The following NRG1 variants were observed in gnomAD, a reference collection of about 807,000 sequenced individuals.
NRG1 encodes pro-neuregulin-1, membrane-bound isoform.
NRG1 carries 18 observed loss-of-function variants against 63.8 expected under a neutral mutation model. The observed-to-expected ratio is 0.28, with a 90% CI of 0.19 to 0.42. The LOEUF is 0.42. Among genes scored for constraint, NRG1 ranks in the 10% least tolerant of loss-of-function variants. NRG1 has a pLI of 1.00. For missense variants in NRG1, 762 were observed against 814.7 expected (o/e 0.94, Z 0.79); for synonymous variants, 302 against 301.3 (o/e 1.00, Z -0.02).
intron 1 of NRG1, among the ~76,000 whole-genome samples, chr8:32,027,609 C>T (rs1245440333): frequency 6.6e-6 from 1 of 151,884 alleles, no homozygotes; most frequent in South Asian, 2.1e-4. Context: ...CTCTTCTCAC[C>T]ATACTGTTTG....
intron 1 of NRG1, among the ~76,000 whole-genome samples, chr8:32,250,151 A>G (rs2129470227): frequency 6.6e-6 from 1 of 152,186 alleles, no homozygotes; most frequent in Non-Finnish European, 1.5e-5. Flanking sequence ...GATCTCTTTC[A>G]AACTGTCTTT....
chr8:32,170,383 C>G (rs1839902594), intron 1 of NRG1, among the ~76,000 whole-genome samples: 1 of 152,154 alleles, frequency 6.6e-6, no homozygotes, highest in Admixed American at 6.5e-5. Flanking sequence ...CCTGTCAGAT[C>G]CCCTGCTTTG....
At chr8:32,344,854 A>G (rs186770483) in intron 1 of NRG1, among the ~76,000 whole-genome samples, 2 of 152,272 alleles carry the variant, frequency 1.3e-5, no homozygotes, top group African/African-American at 4.8e-5. Flanking sequence ...TAAATCTACT[A>G]GACAATCTAT....
chr8:32,758,692 C>G (rs1419880057), intron 9 of NRG1, among the ~76,000 whole-genome samples: 1 of 151,352 alleles, frequency 6.6e-6, no homozygotes, highest in African/African-American at 2.4e-5. Flanking sequence ...TGTGCTTTGT[C>G]AAGATGTGTG....
At chr8:32,494,460 T>A (rs1441292303) in intron 1 of NRG1, among the ~76,000 whole-genome samples, 5 of 152,292 alleles carry the variant, frequency 3.3e-5, no homozygotes, top group Admixed American at 2.0e-4. Context: ...GATCCATTTG[T>A]TAATTTTTTT....
chr8:32,337,653 C>CAAAAAAAAAAAAGAAAAAAAAAAAA, intron 1 of NRG1, among the ~76,000 whole-genome samples: 1 of 24,704 alleles, frequency 4.0e-5, no homozygotes, highest in African/African-American at 1.5e-4. Context: ...AGAGTTATTG[C>CAAAAAAAAAAAAGAAAAAAAAAAAA]AAAAAAAAAA....
At position 32,042,880 on chromosome 8, in the gene NRG1, CAT is replaced by C. The variant is rs1820297663; in HGVS notation, c.37+403451_37+403452del. Among the ~76,000 whole-genome samples the C allele has an allele frequency of 4.0e-5, 6 of 151,222 alleles. No homozygotes were observed. The South Asian group carries it at 1.3e-3, about 32-fold the overall frequency. On this transcript the variant is annotated intron_variant, in intron 1 of 10. Coordinates refer to the NRG1 transcript ENST00000519301. ...GAAACATGATTTCAAAAAAAATGAACATAGCTTCAGGAAGCTGAAGGACAACA... is the reference window on the plus strand; with the variant it reads ...GAAACATGATTTCAAAAAAAATGAACAGCTTCAGGAAGCTGAAGGACAACA...
intron 1 of NRG1, among the ~76,000 whole-genome samples, chr8:32,100,902 G>A (rs1390484977): frequency 6.6e-6 from 1 of 152,114 alleles, no homozygotes; most frequent in African/African-American, 2.4e-5. Flanking sequence ...GGTATTTTGA[G>A]CTTATCACCA....
At chr8:32,161,018 A>G (rs1363759780) in intron 1 of NRG1, among the ~76,000 whole-genome samples, 2 of 152,204 alleles carry the variant, frequency 1.3e-5, no homozygotes, top group Non-Finnish European at 2.9e-5. Flanking sequence ...ATATATGTAT[A>G]AGGTGATGCT....
intron 1 of NRG1, among the ~76,000 whole-genome samples, chr8:32,579,803 A>G (rs1358884850): frequency 7.2e-5 from 11 of 152,190 alleles, no homozygotes; most frequent in Admixed American, 7.2e-4. Context: ...ATTATCTTAG[A>G]GTTTTAAATG....
intron 1 of NRG1, among the ~76,000 whole-genome samples, chr8:32,381,134 C>T (rs934598161): frequency 6.6e-6 from 1 of 152,194 alleles, no homozygotes; most frequent in Admixed American, 6.5e-5. Flanking sequence ...TACACATGGT[C>T]TCCTAACTTC....
intron 1 of NRG1, among the ~76,000 whole-genome samples, chr8:32,374,380 G>A (rs1809344009): frequency 6.6e-6 from 1 of 152,152 alleles, no homozygotes; most frequent in Non-Finnish European, 1.5e-5. Flanking sequence ...ATCATAAAGA[G>A]ATCATTAAAT....
intron 1 of NRG1, among the ~76,000 whole-genome samples, chr8:31,818,978 C>A (rs757425339): frequency 2.6e-5 from 4 of 152,098 alleles, no homozygotes; most frequent in Non-Finnish European, 5.9e-5. Context: ...CACTTGAACT[C>A]GGGAGGCGGA....
intron 6 of NRG1, chr8:32,728,453 A>G: frequency 8.1e-6 from 8 of 985,296 alleles, no homozygotes; most frequent in Non-Finnish European, 9.6e-6. Context: ...AAGCTGTAAG[A>G]TAATGTTGCT....
In NRG1 at chr8:32,309,201, C is replaced by G. The variant is rs902142890; in HGVS notation, c.38-286627C>G. Among the ~76,000 whole-genome samples the G allele has an allele frequency of 5.9e-5, 9 of 152,250 alleles. No homozygotes were observed. The East Asian group carries it at 1.7e-3, about 29-fold the overall frequency. ...GATTCCTCTGGGAGGGGTACCCTTG[C>G]CTTACCAGGGCGAGAAAATAGCCCT... On this transcript the variant is annotated intron_variant, in intron 1 of 10. Coordinates refer to the NRG1 transcript ENST00000519301.
At chr8:31,845,536 G>A (rs1033538714) in intron 1 of NRG1, among the ~76,000 whole-genome samples, 4 of 152,046 alleles carry the variant, frequency 2.6e-5, no homozygotes. Flanking sequence ...TTGAATGAAG[G>A]TGAAAATGCT....
At chr8:32,483,422 A>G (rs1381463623) in intron 1 of NRG1, among the ~76,000 whole-genome samples, 1 of 152,204 alleles carries the variant, frequency 6.6e-6, no homozygotes, top group African/African-American at 2.4e-5. Context: ...CCTCTACTCC[A>G]TCTCCGGCTT....
intron 1 of NRG1, among the ~76,000 whole-genome samples, chr8:32,354,817 TATAAC>T (rs1044609376): frequency 1.4e-4 from 20 of 147,668 alleles, no homozygotes; most frequent in Admixed American, 3.4e-4. Flanking sequence ...AAAAAAAACA[TATAAC>T]ATAAAAGAGA....
chr8:32,035,534 G>A (rs1231763667), intron 1 of NRG1, among the ~76,000 whole-genome samples: 1 of 152,186 alleles, frequency 6.6e-6, no homozygotes, highest in African/African-American at 2.4e-5. Flanking sequence ...AATATTGACA[G>A]TGGGGTGTTA....
Sources: gnomAD v4.1 joint callset for allele counts (sites outside exome capture counted in the v4.1 genomes callset) on GRCh38, gnomAD v4.1.1 for gene constraint, MANE v1.5 for transcripts, NCBI Gene and HGNC (gene_info 2026-07-23, HGNC 2026-07-21) for gene names.